The following TENM4 variants were observed in gnomAD, a reference collection of about 807,000 sequenced individuals.
The protein encoded by TENM4 is teneurin-4.
In TENM4, 82 loss-of-function variants were observed where a neutral mutation model predicts 243.3. The ratio of observed to expected loss-of-function variants is 0.34; its 90% CI spans 0.28 to 0.40. The LOEUF (loss-of-function observed/expected upper bound fraction) is 0.40. Ranked by LOEUF, TENM4 falls within the 10% of genes least tolerant of loss-of-function variation. The probability of loss-of-function intolerance (pLI) is 1.00; values close to 1 mark genes in which losing one functional copy is unlikely to be tolerated. For synonymous variants in TENM4, 1,412 were observed against 1,456.3 expected (o/e 0.97, Z 0.69); for missense variants, 3,138 against 3,673.3 (o/e 0.85, Z 3.77).
chr11:79,024,573 C>T (rs116236009), intron 6 of TENM4, among the ~76,000 whole-genome samples: 45 of 152,280 alleles, frequency 3.0e-4, no homozygotes, highest in Middle Eastern at 3.4e-3. Context: ...CTCTCTCATT[C>T]CCTGCCTAGA....
At chr11:78,724,067 CCTTTT>C (rs1023076439) in intron 23 of TENM4, among the ~76,000 whole-genome samples, 2 of 151,408 alleles carry the variant, frequency 1.3e-5, no homozygotes, top group African/African-American at 4.9e-5. Flanking sequence ...TCCTCTCTCT[CCTTTT>C]CTTTTTTCTT....
intron 6 of TENM4, among the ~76,000 whole-genome samples, chr11:79,009,577 G>A (rs1353466943): frequency 6.6e-6 from 1 of 152,156 alleles, no homozygotes; most frequent in East Asian, 1.9e-4. Context: ...AGAGCATTAT[G>A]GACAGTTTTT....
At chr11:79,059,288 T>C (rs1860026663) in intron 6 of TENM4, among the ~76,000 whole-genome samples, 1 of 152,144 alleles carries the variant, frequency 6.6e-6, no homozygotes, top group Non-Finnish European at 1.5e-5. Flanking sequence ...CTCCAAGCCT[T>C]GGGTCATGCA....
intron 3 of TENM4, among the ~76,000 whole-genome samples, chr11:79,198,807 T>C (rs1212725845): frequency 6.6e-6 from 1 of 151,964 alleles, no homozygotes; most frequent in African/African-American, 2.4e-5. Context: ...TCCTTCTGAG[T>C]GTGTTGAGCA....
chr11:78,880,348 T>C (rs1859398051), intron 9 of TENM4, among the ~76,000 whole-genome samples: 1 of 150,018 alleles, frequency 6.7e-6, no homozygotes, highest in Non-Finnish European at 1.5e-5. Context: ...CCTAGGAAAA[T>C]CAGAGACCTT....
At position 79,098,654 on chromosome 11, in the gene TENM4, G is replaced by C. The variant is rs79364036; in HGVS notation, c.-65-28645C>G. On this transcript the variant is annotated intron_variant, in intron 4 of 33. Transcript: ENST00000278550. ...AGGACAAGGCTTGCAGACGAAAAGTGTACATCCAAACCCATCTCTCCCAGC... is the reference window on the plus strand; with the variant it reads ...AGGACAAGGCTTGCAGACGAAAAGTCTACATCCAAACCCATCTCTCCCAGC... Among the ~76,000 whole-genome samples, 689 of 152,294 alleles carry C rather than the reference G, an allele frequency of 4.5e-3. 14 individuals carry two copies. The South Asian group carries it at 0.051, about 11-fold the overall frequency.
intron 3 of TENM4, among the ~76,000 whole-genome samples, chr11:79,166,108 T>C (rs1354842942): frequency 6.6e-6 from 1 of 152,196 alleles, no homozygotes; most frequent in Admixed American, 6.5e-5. Context: ...ACTGCATGTC[T>C]CAGCCACTAA....
intron 1 of TENM4, among the ~76,000 whole-genome samples, chr11:79,313,910 C>T (rs17138043): frequency 0.07 from 10,595 of 152,086 alleles, 432 homozygotes; most frequent in South Asian, 0.083. Context: ...CTGTGGAGAC[C>T]CCATTTATTT....
intron 6 of TENM4, among the ~76,000 whole-genome samples, chr11:78,964,928 T>G (rs1325980514): frequency 1.3e-5 from 2 of 152,104 alleles, no homozygotes; most frequent in African/African-American, 2.4e-5. Context: ...AGTGCAGTAG[T>G]GTGATCTTGG....
chr11:79,034,100 T>C (rs796157825), intron 6 of TENM4, among the ~76,000 whole-genome samples: 1 of 152,334 alleles, frequency 6.6e-6, no homozygotes, highest in African/African-American at 2.4e-5. Flanking sequence ...CACTCAGGTC[T>C]ATTTTGAGGA....
At chr11:79,074,994 C>T (rs1403004226) in intron 4 of TENM4, among the ~76,000 whole-genome samples, 7 of 152,248 alleles carry the variant, frequency 4.6e-5, no homozygotes, top group Non-Finnish European at 1.0e-4. Flanking sequence ...GTCTGCTCCT[C>T]TAAGCCATCT....
At chr11:78,748,547 C>T (rs1384258685) in intron 19 of TENM4, among the ~76,000 whole-genome samples, 1 of 152,148 alleles carries the variant, frequency 6.6e-6, no homozygotes, top group Non-Finnish European at 1.5e-5. Flanking sequence ...AGATGCTGAG[C>T]AGGGAACATA....
intron 4 of TENM4, among the ~76,000 whole-genome samples, chr11:79,126,753 G>T (rs1462936858): frequency 1.3e-5 from 2 of 152,178 alleles, no homozygotes; most frequent in Non-Finnish European, 2.9e-5. Context: ...CTGACCCCTT[G>T]AATGAAGGGG....
intron 28 of TENM4, among the ~76,000 whole-genome samples, chr11:78,696,886 TC>T (rs1452167188): frequency 6.6e-6 from 1 of 152,132 alleles, no homozygotes; most frequent in Non-Finnish European, 1.5e-5. Context: ...TTTCTTTTCT[TC>T]CCTCATTCAG....
Position 78,805,277 on chromosome 11 carries a change from T to TCCCCACCCCCCACACCCCCC in TENM4, c.2179+14_2179+15insGGGGGGTGTGGGGGGTGGGG. The TCCCCACCCCCCACACCCCCC allele has an allele frequency of 1.4e-6, 2 of 1,402,550 alleles. No homozygotes were observed. The highest frequency in any genetic ancestry group is 9.7e-7 in the Non-Finnish European group (1 of 1,033,116). 86.9% of individuals were successfully genotyped at this position (1,402,550 alleles called of 1,614,324 possible). ...CCCCTCCCTCTACCCATGCTTCTTC[T>TCCCCACCCCCCACACCCCCC]CCCCCTGCATTTACCGATAGAACAG... On this transcript the variant is annotated intron_variant, in intron 15 of 33. Coordinates refer to ENST00000278550, the MANE Select transcript of TENM4 (RefSeq NM_001098816.3).
intron 17 of TENM4, among the ~76,000 whole-genome samples, chr11:78,774,404 A>T (rs937203947): frequency 6.6e-6 from 1 of 152,184 alleles, no homozygotes; most frequent in Admixed American, 6.5e-5. Flanking sequence ...CTCCGTGAAC[A>T]TGCAGTGCAG....
chr11:78,701,364 T>C (rs1191759380), intron 28 of TENM4, among the ~76,000 whole-genome samples, 162 bp downstream of exon 28: 1 of 152,182 alleles, frequency 6.6e-6, no homozygotes, highest in African/African-American at 2.4e-5. Flanking sequence ...ACCATTTCCT[T>C]CCTAGGAGAA....
intron 16 of TENM4, among the ~76,000 whole-genome samples, chr11:78,780,706 T>G (rs1467992831): frequency 6.6e-6 from 1 of 152,228 alleles, no homozygotes; most frequent in Non-Finnish European, 1.5e-5. Context: ...AAGAGAGCTC[T>G]CTCTCTTCTA....
At chr11:79,309,386 A>C (rs1856681760) in intron 1 of TENM4, among the ~76,000 whole-genome samples, 1 of 152,206 alleles carries the variant, frequency 6.6e-6, no homozygotes, top group Admixed American at 6.5e-5. Context: ...CCTGGAGGTC[A>C]GATGGGGCCC....
Sources: allele counts gnomAD v4.1 joint callset (sites outside exome capture counted in the v4.1 genomes callset), GRCh38; gene constraint gnomAD v4.1.1; transcripts MANE v1.5; gene names NCBI Gene and HGNC (gene_info 2026-07-23, HGNC 2026-07-21).